PRMT3: variants seen among roughly 807,000 people sequenced by gnomAD.
PRMT3 encodes protein arginine methyltransferase 3.
A neutral mutation model predicts 71.9 loss-of-function variants in PRMT3; 62 were observed. The ratio of observed to expected loss-of-function variants is 0.86; its 90% CI spans 0.70 to 1.07. The LOEUF (loss-of-function observed/expected upper bound fraction) is 1.07, where lower values mean the gene tolerates loss of function less well. PRMT3 is among the 50% of genes least tolerant of loss of function. The pLI is 0.00. For missense variants in PRMT3, 663 were observed against 643.0 expected (o/e 1.03, Z -0.34); for synonymous variants, 213 against 220.4 (o/e 0.97, Z 0.30).
At chr11:20,477,005 G>C (rs1590094463) in intron 13 of PRMT3, among the ~76,000 whole-genome samples, 1 of 152,102 alleles carries the variant, frequency 6.6e-6, no homozygotes, top group Non-Finnish European at 1.5e-5. Flanking sequence ...TAGCGGGAGG[G>C]GTCGATCCCT....
chr11:20,461,114 G>A (rs1850372586), intron 11 of PRMT3, among the ~76,000 whole-genome samples: 1 of 152,048 alleles, frequency 6.6e-6, no homozygotes, highest in African/African-American at 2.4e-5. Context: ...GTAGTCTTTG[G>A]TCTCTACTTA....
chr11:20,476,877 CCTTTT>C (rs373903243), intron 13 of PRMT3, among the ~76,000 whole-genome samples: 48 of 151,842 alleles, frequency 3.2e-4, no homozygotes, highest in African/African-American at 9.9e-4. Flanking sequence ...GCTTCTCTTC[CCTTTT>C]AAGGGTCACA....
Position 20,469,564 on chromosome 11 carries a change from A to G in PRMT3, c.1347+5018A>G, listed in dbSNP as rs531082489. Among the ~76,000 whole-genome samples the G allele has an allele frequency of 2.3e-3, 343 of 152,310 alleles. 1 individual carries two copies. Among genetic ancestry groups the G allele is most frequent in the Middle Eastern group, 6.8e-3 (2 of 294 alleles). On this transcript the variant is annotated intron_variant, in intron 13 of 15. Transcript: ENST00000331079. ...ACACAGGTTGAGTATCTCTTATACAAAATGCTTGCTTGGGCCCAGAAGTGT... is the reference window on the plus strand; with the variant it reads ...ACACAGGTTGAGTATCTCTTATACAGAATGCTTGCTTGGGCCCAGAAGTGT...
At chr11:20,449,683 C>G (rs1234947714) in intron 10 of PRMT3, among the ~76,000 whole-genome samples, 1 of 152,198 alleles carries the variant, frequency 6.6e-6, no homozygotes, top group Non-Finnish European at 1.5e-5. Context: ...CATTATTTGT[C>G]AGTTTTAATT....
chr11:20,425,940 A>G (rs558102265), intron 9 of PRMT3, among the ~76,000 whole-genome samples: 1 of 152,354 alleles, frequency 6.6e-6, no homozygotes, highest in Non-Finnish European at 1.5e-5. Context: ...CAGGAAAAAA[A>G]TCCTCTATAG....
chr11:20,435,223 A>G (rs1466555339), intron 10 of PRMT3, among the ~76,000 whole-genome samples: 1 of 151,968 alleles, frequency 6.6e-6, no homozygotes, highest in East Asian at 1.9e-4. Context: ...TATTTTTTTA[A>G]TTCATTTATT....
chr11:20,475,863 A>G lies in PRMT3; in HGVS notation c.1347+11317A>G, dbSNP rs574656676. On this transcript the variant is annotated intron_variant, in intron 13 of 15. Transcript: ENST00000331079. Reference sequence around the variant, plus strand: ...GAGATGTATTTTGTATTTAGTAGAGATGGGATTTCACCATATTGGCCAGGC... The same window carrying G: ...GAGATGTATTTTGTATTTAGTAGAGGTGGGATTTCACCATATTGGCCAGGC... Among the ~76,000 whole-genome samples the G allele has an allele frequency of 3.3e-5, 5 of 151,470 alleles. No individual in the cohort carries two copies. The East Asian group carries it at 8.0e-4, about 24-fold the overall frequency.
Position 20,397,672 on chromosome 11 carries a change from T to C in PRMT3, c.656T>C (p.Val219Ala). ...GACCTCCAGGAGGATGAGGATGGTG[T>C]TTATTTCAGCTCATACGGGCATTAT... is the stretch of plus-strand genomic sequence containing the variant. ...IADLQEDEDG[V>A]YFSSYGHYGI... is the part of the protein sequence containing the mutation. The change falls in exon 7 of 16, where the codon GTT becomes GCT. Residue 219 changes from valine to alanine, a missense_variant. Coordinates refer to ENST00000331079, the MANE Select transcript of PRMT3 (RefSeq NM_005788.4). 1 of 1,614,182 alleles carries C rather than the reference T, an allele frequency of 6.2e-7. No homozygotes were observed. The highest frequency in any genetic ancestry group is 8.5e-7 in the Non-Finnish European group (1 of 1,180,026).
intron 15 of PRMT3, among the ~76,000 whole-genome samples, chr11:20,497,585 G>C (rs939087664): frequency 2.0e-5 from 3 of 152,118 alleles, no homozygotes; most frequent in African/African-American, 7.2e-5. Context: ...ACAGATGCTG[G>C]GAAGTTGCAG....
At chr11:20,409,104 A>T (rs1393990157) in intron 9 of PRMT3, among the ~76,000 whole-genome samples, 1 of 152,126 alleles carries the variant, frequency 6.6e-6, no homozygotes, top group African/African-American at 2.4e-5. Context: ...CTCCAAAAAA[A>T]ATTTTTTAAA....
intron 15 of PRMT3, among the ~76,000 whole-genome samples, chr11:20,498,307 C>T (rs940555127): frequency 5.3e-5 from 8 of 152,058 alleles, no homozygotes; most frequent in South Asian, 2.1e-4. Context: ...TCAATTAACC[C>T]GAAGAAGGAT....
At chr11:20,413,045 G>T (rs1311969066) in intron 9 of PRMT3, among the ~76,000 whole-genome samples, 1 of 150,786 alleles carries the variant, frequency 6.6e-6, no homozygotes, top group Admixed American at 6.7e-5. Context: ...GTATGTATTG[G>T]TTGTATTCAG....
intron 15 of PRMT3, among the ~76,000 whole-genome samples, chr11:20,504,925 GT>G (rs1445666770): frequency 6.6e-6 from 1 of 152,146 alleles, no homozygotes; most frequent in African/African-American, 2.4e-5. Context: ...TAGAGACAGA[GT>G]TTTGCCAGGT....
intron 13 of PRMT3, among the ~76,000 whole-genome samples, chr11:20,477,247 T>C (rs963573402): frequency 6.6e-6 from 1 of 152,096 alleles, no homozygotes; most frequent in African/African-American, 2.4e-5. Flanking sequence ...TTGGCATGAG[T>C]TGAGAACTGG....
intron 10 of PRMT3, among the ~76,000 whole-genome samples, chr11:20,428,268 G>T (rs1220456039): frequency 6.6e-6 from 1 of 152,026 alleles, no homozygotes; most frequent in African/African-American, 2.4e-5. Flanking sequence ...CACATTTGAG[G>T]CATATAGACA....
intron 11 of PRMT3, among the ~76,000 whole-genome samples, chr11:20,454,902 T>TGG (rs1381414386): frequency 6.6e-6 from 1 of 152,080 alleles, no homozygotes; most frequent in East Asian, 1.9e-4. Flanking sequence ...AGGCAATAAC[T>TGG]GGGATGTTCA....
At chr11:20,445,141 C>T (rs971980152) in intron 10 of PRMT3, among the ~76,000 whole-genome samples, 1 of 151,822 alleles carries the variant, frequency 6.6e-6, no homozygotes, top group Non-Finnish European at 1.5e-5. Context: ...TTTTCTAAAC[C>T]TCTCTTACAA....
rs754094818 is a variant in PRMT3 at position 20,393,016 on chromosome 11, T to C, written c.400+17T>C. 9 of 1,480,190 alleles carry C rather than the reference T, an allele frequency of 6.1e-6. No homozygotes were observed. Among genetic ancestry groups the C allele is most frequent in the Non-Finnish European group, 8.5e-6 (9 of 1,059,852 alleles). 91.7% of individuals were successfully genotyped at this position (1,480,190 alleles called of 1,614,324 possible). On this transcript the variant is annotated intron_variant, in intron 5 of 15. Coordinates refer to ENST00000331079, the MANE Select transcript of PRMT3 (RefSeq NM_005788.4). ...TTCAATTTGGTAAGATGAACATAAG[T>C]GTATCTCCTTTAATTAACATAAGGC...
chr11:20,411,978 C>G (rs192174140), intron 9 of PRMT3, among the ~76,000 whole-genome samples: 27 of 152,062 alleles, frequency 1.8e-4, no homozygotes, highest in Admixed American at 1.6e-3. Flanking sequence ...CTATAAAGCT[C>G]CTGCATATGT....
Sources: gnomAD v4.1 joint callset for allele counts (sites outside exome capture counted in the v4.1 genomes callset) on GRCh38, gnomAD v4.1.1 for gene constraint, MANE v1.5 for transcripts, NCBI Gene and HGNC (gene_info 2026-07-23, HGNC 2026-07-21) for gene names.